The following KANSL1 variants were observed in gnomAD, a reference collection of about 807,000 sequenced individuals.
KANSL1 encodes KAT8 regulatory NSL complex subunit 1, also known as MLL1/MLL complex subunit KANSL1.
In KANSL1, 22 loss-of-function variants were observed where a neutral mutation model predicts 103.6. The ratio of observed to expected loss-of-function variants is 0.21; its 90% CI spans 0.15 to 0.30. The LOEUF (loss-of-function observed/expected upper bound fraction) is 0.30, where lower values mean the gene tolerates loss of function less well. Among genes scored for constraint, KANSL1 ranks in the 10% least tolerant of loss-of-function variants. The pLI is 1.00. For missense variants in KANSL1, 1,337 were observed against 1,399.8 expected, an observed-to-expected ratio of 0.96 and a Z score of 0.72; for synonymous variants, 600 against 527.6, an observed-to-expected ratio of 1.14 and a Z score of -1.88.
intron 1 of KANSL1, among the ~76,000 whole-genome samples, chr17:46,184,730 C>T (rs2046938242): frequency 6.6e-6 from 1 of 152,178 alleles, no homozygotes; most frequent in South Asian, 2.1e-4. Context: ...GAGGTGGGGT[C>T]CCTCCCTCTA....
chr17:46,177,254 T>G (rs993043616), intron 1 of KANSL1, among the ~76,000 whole-genome samples: 1 of 152,254 alleles, frequency 6.6e-6, no homozygotes, highest in African/African-American at 2.4e-5. Flanking sequence ...CACCCAGTAT[T>G]ATTTGCACTT....
In KANSL1 at chr17:46,030,706, G is replaced by C. The variant is rs1157990723; in HGVS notation, c.*770C>G. On this transcript the variant is annotated 3_prime_UTR_variant, in exon 15 of 15. Transcript: ENST00000432791. ...AACCCTACCTTCAAAGATCAGGATA[G>C]GTGGTAAAAATATTCCAAGTGGAAG... 1 of 152,150 alleles carries C rather than the reference G, an allele frequency of 6.6e-6. No homozygotes were observed. Among genetic ancestry groups the C allele is most frequent in the Non-Finnish European group, 1.5e-5 (1 of 68,094 alleles). 9.4% of individuals were successfully genotyped at this position (152,150 alleles called of 1,614,324 possible). A position where few individuals can be genotyped will look rare whatever the true frequency, so the allele number is the denominator to read the frequency against.
intron 2 of KANSL1, among the ~76,000 whole-genome samples, chr17:46,118,648 A>ACTTT: frequency 6.6e-6 from 1 of 152,352 alleles, no homozygotes; most frequent in Non-Finnish European, 1.5e-5. Flanking sequence ...ATTTTGATGA[A>ACTTT]CTTTCCTTGC....
intron 6 of KANSL1, among the ~76,000 whole-genome samples, chr17:46,062,534 T>C (rs2078216138): frequency 6.6e-6 from 1 of 151,152 alleles, no homozygotes; most frequent in African/African-American, 2.4e-5. Context: ...AATTTTTGTA[T>C]TTTTAGTAGA....
At chr17:46,219,250 T>TTAAAAA (rs71262051) in intron 1 of KANSL1, among the ~76,000 whole-genome samples, 11,828 of 127,310 alleles carry the variant, frequency 0.093, 11 homozygotes, top group Non-Finnish European at 0.14. Flanking sequence ...TCTTGTCTCA[T>TTAAAAA]AAAAAAAAAA....
chr17:46,148,539 C>T (rs2044863840), intron 2 of KANSL1, among the ~76,000 whole-genome samples: 1 of 151,910 alleles, frequency 6.6e-6, no homozygotes, highest in African/African-American at 2.4e-5. Context: ...TGCTGAATGG[C>T]TTACAATTAA....
At chr17:46,162,433 C>A (rs1341207462) in intron 2 of KANSL1, among the ~76,000 whole-genome samples, 1 of 152,204 alleles carries the variant, frequency 6.6e-6, no homozygotes, top group Non-Finnish European at 1.5e-5. Flanking sequence ...TCCAGGTATA[C>A]CCAACAAAGG....
chr17:46,108,327 CCT>C (rs1481455278), intron 2 of KANSL1, among the ~76,000 whole-genome samples: 1 of 152,088 alleles, frequency 6.6e-6, no homozygotes, highest in African/African-American at 2.4e-5. Flanking sequence ...ACCCACAGGA[CCT>C]TTTATTTGCT....
At chr17:46,129,735 C>T (rs1221025985) in intron 2 of KANSL1, among the ~76,000 whole-genome samples, 3 of 152,070 alleles carry the variant, frequency 2.0e-5, no homozygotes, top group Non-Finnish European at 2.9e-5. Flanking sequence ...GATTATATTT[C>T]TGTGCTTTTG....
chr17:46,137,406 G>A (rs539640253), intron 2 of KANSL1, among the ~76,000 whole-genome samples: 5 of 152,178 alleles, frequency 3.3e-5, no homozygotes, highest in South Asian at 2.1e-4. Flanking sequence ...TACAACTTAC[G>A]TATGATTTAG....
At chr17:46,093,578 C>T (rs1037003175) in intron 3 of KANSL1, 5 of 152,618 alleles carry the variant, frequency 3.3e-5, no homozygotes, top group East Asian at 3.9e-4. Context: ...AGATAGCCCA[C>T]AGAACTTTCA....
chr17:46,095,018 G>C (rs1027729157), intron 2 of KANSL1, among the ~76,000 whole-genome samples: 5 of 152,024 alleles, frequency 3.3e-5, no homozygotes, highest in African/African-American at 1.2e-4. Context: ...CATACATTAA[G>C]AATAATCTAT....
In KANSL1 at chr17:46,105,944, CACA is replaced by C. The variant is rs899092143; in HGVS notation, c.1290-11246_1290-11244del. 9.3e-4 allele frequency among the ~76,000 whole-genome samples: 53 copies of C among 56,748 alleles called. 1 individual carries two copies. The highest frequency in any genetic ancestry group is 6.3e-3 in the East Asian group (21 of 3,310). The allele number at this position is 56,748 out of a possible 152,430, so 37.2% of individuals were successfully genotyped here. ...ACACACACACACACACACACACACA[CACA>C]CCCCCCCAGAAGGGTGAAGGAGCAG... On this transcript the variant is annotated intron_variant, in intron 2 of 14. Coordinates refer to ENST00000432791, the MANE Select transcript of KANSL1 (RefSeq NM_015443.4).
In KANSL1 at chr17:46,064,053, T is replaced by TAAA. The variant is rs58111244; in HGVS notation, c.1848+2481_1848+2483dup. Among the ~76,000 whole-genome samples, 249 of 105,654 alleles carry TAAA rather than the reference T, an allele frequency of 2.4e-3. 2 individuals are homozygous for TAAA. Among genetic ancestry groups the TAAA allele is most frequent in the African/African-American group, 5.9e-3 (169 of 28,620 alleles). 69.3% of individuals were successfully genotyped at this position (105,654 alleles called of 152,430 possible). On this transcript the variant is annotated intron_variant, in intron 6 of 14. Coordinates refer to ENST00000432791, the MANE Select transcript of KANSL1 (RefSeq NM_015443.4). Reference sequence around the variant, plus strand: ...TCTTTTAGAGATATACGACTATTAGTAAAAAAAAAAAAAAAAAACAAAAAA... The same window carrying TAAA: ...TCTTTTAGAGATATACGACTATTAGTAAAAAAAAAAAAAAAAAAAAACAAAAAA...
chr17:46,135,485 A>G (rs1214010975), intron 2 of KANSL1, among the ~76,000 whole-genome samples: 1 of 152,174 alleles, frequency 6.6e-6, no homozygotes, highest in Admixed American at 6.5e-5. Flanking sequence ...GACATTCTAA[A>G]AGATTCAATT....
In KANSL1 at chr17:46,171,937, C is replaced by T. The variant is rs770738654; in HGVS notation, c.207G>A (p.Lys69=). Reference sequence around the variant, plus strand: ...GTGGTTGCAGCTTTCCCAAGTCTTCCTTGGTAGGATTATTTCGGAAATCTA... The same window carrying T: ...GTGGTTGCAGCTTTCCCAAGTCTTCTTTGGTAGGATTATTTCGGAAATCTA... ...PSLDFRNNPT[K]EDLGKLQPLV... is the part of the protein sequence containing the mutation. Residue 69 remains lysine (K), a synonymous_variant, in exon 2 of 15, where the codon AAG becomes AAA. Transcript: ENST00000432791. The T allele has an allele frequency of 6.2e-7, 1 of 1,614,228 alleles. No individual in the cohort carries two copies. Among genetic ancestry groups the T allele is most frequent in the South Asian group, 1.1e-5 (1 of 91,092 alleles).
At chr17:46,150,773 G>A (rs1301428343) in intron 2 of KANSL1, among the ~76,000 whole-genome samples, 1 of 152,186 alleles carries the variant, frequency 6.6e-6, no homozygotes, top group Non-Finnish European at 1.5e-5. Context: ...TGCCATTGTT[G>A]TTAAATTTCT....
chr17:46,094,357 A>C, intron 3 of KANSL1: 1 of 624,634 alleles, frequency 1.6e-6, no homozygotes, highest in East Asian at 3.4e-5. Flanking sequence ...TTGGCCTCCC[A>C]AAGTGCTGGG....
rs1221128533 is a variant in KANSL1 at position 46,190,477 on chromosome 17, C to T, written c.-90+2346G>A. On this transcript the variant is annotated intron_variant, in intron 1 of 14. Transcript: ENST00000432791. Reference sequence around the variant, plus strand: ...TTTCAGAAAAGATGCAAGAAAACTTCTAAAATACTTCACTTCAGTGGACTC... The same window carrying T: ...TTTCAGAAAAGATGCAAGAAAACTTTTAAAATACTTCACTTCAGTGGACTC... 6.6e-5 allele frequency among the ~76,000 whole-genome samples: 10 copies of T among 152,254 alleles called. 1 individual carries two copies. Among genetic ancestry groups the T allele is most frequent in the Admixed American group, 6.5e-4 (10 of 15,292 alleles).
Sources: gnomAD v4.1 joint callset for allele counts (sites outside exome capture counted in the v4.1 genomes callset) on GRCh38, gnomAD v4.1.1 for gene constraint, MANE v1.5 for transcripts, NCBI Gene and HGNC (gene_info 2026-07-23, HGNC 2026-07-21) for gene names.